Variants in UBE2E1 observed in about 807,000 individuals in gnomAD.
UBE2E1 encodes the protein ubiquitin conjugating enzyme E2 E1, also known as ubiquitin-conjugating enzyme E2 E1.
UBE2E1 carries 6 observed loss-of-function variants against 21.4 expected under a neutral mutation model. The observed-to-expected ratio is 0.28, with a 90% CI of 0.15 to 0.55. UBE2E1 has a LOEUF of 0.55. Among genes scored for constraint, UBE2E1 ranks in the 20% least tolerant of loss-of-function variants. The probability of loss-of-function intolerance (pLI) is 0.93; values close to 1 mark genes in which losing one functional copy is unlikely to be tolerated. For synonymous variants in UBE2E1, 87 were observed against 82.7 expected (o/e 1.05, Z -0.28); for missense variants, 142 against 236.5 (o/e 0.60, Z 2.62).
In UBE2E1 at chr3:23,839,663, C is replaced by T. The variant is rs369708650; in HGVS notation, c.203+28153C>T. 5.3e-5 allele frequency among the ~76,000 whole-genome samples: 8 copies of T among 151,586 alleles called. No individual in the cohort carries two copies. The South Asian group carries it at 1.5e-3, about 28-fold the overall frequency. On this transcript the variant is annotated intron_variant, in intron 3 of 5. Transcript: ENST00000306627. ...TGACAAATTCTTTGTTTTATTATGT[C>T]TGAAAAAAATCTTTGTCTTTTTTTT...
intron 3 of UBE2E1, among the ~76,000 whole-genome samples, chr3:23,854,535 G>T (rs551872019): frequency 6.6e-6 from 1 of 152,278 alleles, no homozygotes; most frequent in East Asian, 1.9e-4. Flanking sequence ...CCTTTTTGAT[G>T]ATGTGGGCCA....
At chr3:23,825,841 C>A (rs1196805732) in intron 3 of UBE2E1, among the ~76,000 whole-genome samples, 9 of 152,140 alleles carry the variant, frequency 5.9e-5, no homozygotes, top group Admixed American at 4.6e-4. Flanking sequence ...GAGTGAAATA[C>A]GAGGTATTTG....
rs1269648356 is a variant in UBE2E1, at chr3:23,842,673, CATT to C, written c.203+31166_203+31168del. Among the ~76,000 whole-genome samples the C allele has an allele frequency of 1.3e-5, 2 of 152,254 alleles. No individual in the cohort carries two copies. The highest frequency in any genetic ancestry group is 2.9e-5 in the Non-Finnish European group (2 of 68,032). ...CAGCATTTTTTGTGACGTAAAATCT[CATT>C]ATCACAAATTACAAGTGCGCTATTC... On this transcript the variant is annotated intron_variant, in intron 3 of 5. Transcript: ENST00000306627. The surrounding 1 kb of genome is among the most constrained non-coding windows in gnomAD (Gnocchi z 4.6).
At chr3:23,866,756 T>G (rs1388533718) in intron 3 of UBE2E1, among the ~76,000 whole-genome samples, 2 of 152,252 alleles carry the variant, frequency 1.3e-5, no homozygotes, top group Admixed American at 6.5e-5. Flanking sequence ...ATAAAGTGAT[T>G]TAATTTTTGG....
chr3:23,806,303 G>A lies in UBE2E1; in HGVS notation c.-34+215G>A, dbSNP rs1699265897. 6.6e-6 allele frequency among the ~76,000 whole-genome samples: 1 copy of A among 150,942 alleles called. No individual in the cohort carries two copies. Among genetic ancestry groups the A allele is most frequent in the African/African-American group, 2.4e-5 (1 of 41,250 alleles). On this transcript the variant is annotated intron_variant, in intron 1 of 5. Transcript: ENST00000306627. The surrounding 1 kb of genome is among the most constrained non-coding windows in gnomAD (Gnocchi z 6.5). ...AGGGACCCCGGGCCGCGTGGGGTGC[G>A]GGGGCCGCCCGCATTGAGGACGGGG...
At chr3:23,859,856 T>C (rs1700514445) in intron 3 of UBE2E1, among the ~76,000 whole-genome samples, 1 of 152,200 alleles carries the variant, frequency 6.6e-6, no homozygotes, top group Non-Finnish European at 1.5e-5. Context: ...ATTGAACAAA[T>C]ACTAAGTATG....
chr3:23,889,513 C>A, intron 5 of UBE2E1: 1 of 1,387,196 alleles, frequency 7.2e-7, no homozygotes. Flanking sequence ...CTTTTAGTTT[C>A]AATTATTCTT....
At chr3:23,819,245 C>A (rs1018268617) in intron 3 of UBE2E1, among the ~76,000 whole-genome samples, 6 of 152,156 alleles carry the variant, frequency 3.9e-5, no homozygotes, top group Admixed American at 1.3e-4. Flanking sequence ...GATTGCGCCA[C>A]TGCACTCCAG....
chr3:23,807,223 C>T lies in UBE2E1; in HGVS notation c.-33-14C>T, dbSNP rs760571695. 3.2e-6 allele frequency: 5 copies of T among 1,578,104 alleles called. No individual in the cohort carries two copies. The highest frequency in any genetic ancestry group is 4.3e-6 in the Non-Finnish European group (5 of 1,164,832). On this transcript the variant is annotated splice_polypyrimidine_tract_variant and intron_variant, in intron 1 of 5. Coordinates refer to ENST00000306627, the MANE Select transcript of UBE2E1 (RefSeq NM_003341.5). ...TGGTTTGTGTGTTTCTGTTTTGTTT[C>T]TCTCCCCCTGCAGGGGCTGTTTGCG...
chr3:23,887,696 A>G lies in UBE2E1; in HGVS notation c.333A>G (p.Pro111=), dbSNP rs564357209. The G allele has an allele frequency of 8.0e-4, 1,281 of 1,607,392 alleles. 14 individuals carry two copies. The South Asian group carries it at 0.013, about 17-fold the overall frequency. The change falls in exon 4 of 6, where the codon CCA becomes CCG. Residue 111 remains proline (P), a synonymous_variant. Coordinates refer to ENST00000306627, the MANE Select transcript of UBE2E1 (RefSeq NM_003341.5). The surrounding 1 kb of genome is among the most constrained non-coding windows in gnomAD (Gnocchi z 4.4). ...CACCAGAATATCCCTTCAAGCCTCC[A>G]AAGGTAAGAAATCTCCCTGTATGCT... ...TFTPEYPFKP[P]KVTFRTRIYH...
intron 3 of UBE2E1, among the ~76,000 whole-genome samples, chr3:23,847,768 T>C (rs143064875): frequency 0.019 from 2,898 of 152,288 alleles, 45 homozygotes; most frequent in Middle Eastern, 0.058. Context: ...GTGCTGGGAT[T>C]ACAGGCATGA....
rs1362235727 is a variant in UBE2E1, at chr3:23,854,909, T to C, written c.204-32658T>C. Among the ~76,000 whole-genome samples, 4 of 152,332 alleles carry C rather than the reference T, an allele frequency of 2.6e-5. No individual in the cohort carries two copies. The East Asian group carries it at 7.7e-4, about 29-fold the overall frequency. The stretch of plus-strand genomic sequence containing the variant: ...TTCACTTGACAAACTTGTTGGTATT[T>C]TATGGGAGAATTCAGTGCATATAGA... On this transcript the variant is annotated intron_variant, in intron 3 of 5. Transcript: ENST00000306627.
At chr3:23,859,464 C>T (rs1374413825) in intron 3 of UBE2E1, among the ~76,000 whole-genome samples, 2 of 152,168 alleles carry the variant, frequency 1.3e-5, no homozygotes, top group Non-Finnish European at 2.9e-5. Flanking sequence ...ATGTGGATGA[C>T]CCATATCTAT....
At chr3:23,850,329 A>G (rs1436888126) in intron 3 of UBE2E1, among the ~76,000 whole-genome samples, 1 of 152,080 alleles carries the variant, frequency 6.6e-6, no homozygotes, top group Non-Finnish European at 1.5e-5. Flanking sequence ...TCCAGATAAA[A>G]GTACTTTATT....
At chr3:23,880,976 C>T (rs2125326281) in intron 3 of UBE2E1, among the ~76,000 whole-genome samples, 1 of 152,298 alleles carries the variant, frequency 6.6e-6, no homozygotes, top group East Asian at 1.9e-4. Context: ...ACTTTGTATA[C>T]TTATCAATAT....
chr3:23,806,431 C>T lies in UBE2E1; in HGVS notation c.-34+343C>T, dbSNP rs1172157272. Among the ~76,000 whole-genome samples the T allele has an allele frequency of 6.6e-6, 1 of 151,794 alleles. No homozygotes were observed. Among genetic ancestry groups the T allele is most frequent in the Non-Finnish European group, 1.5e-5 (1 of 67,836 alleles). On this transcript the variant is annotated intron_variant, in intron 1 of 5. Transcript: ENST00000306627. This position sits in a 1 kb window ranked among gnomAD's most constrained non-coding sequence, Gnocchi z 6.5. The stretch of plus-strand genomic sequence containing the variant: ...AGGGAGTTGGGGGAGCCCCGTTTTC[C>T]CCAGGGGCGGGGGTTCGCGGGGATT...
intron 3 of UBE2E1, among the ~76,000 whole-genome samples, chr3:23,847,021 C>T (rs1559483808): frequency 6.6e-6 from 1 of 152,092 alleles, no homozygotes; most frequent in Non-Finnish European, 1.5e-5. Flanking sequence ...TCTTGAAACT[C>T]ACCAAAGAGG....
chr3:23,849,009 A>G (rs1450382959), intron 3 of UBE2E1, among the ~76,000 whole-genome samples: 3 of 152,182 alleles, frequency 2.0e-5, no homozygotes, highest in African/African-American at 7.2e-5. Context: ...GGGATATACC[A>G]TGTTTATCCA....
At chr3:23,839,017 C>T (rs768893620) in intron 3 of UBE2E1, among the ~76,000 whole-genome samples, 16 of 151,788 alleles carry the variant, frequency 1.1e-4, no homozygotes, top group Admixed American at 2.6e-4. Flanking sequence ...ACTACGTTCA[C>T]GTGATAATTA....
Sources: allele counts gnomAD v4.1 joint callset (sites outside exome capture counted in the v4.1 genomes callset), GRCh38; gene constraint gnomAD v4.1.1; non-coding constraint Gnocchi (gnomAD v3.1); transcripts MANE v1.5; gene names NCBI Gene and HGNC (gene_info 2026-07-23, HGNC 2026-07-21).